Variants in VWA2 observed in about 807,000 individuals in gnomAD.
VWA2 encodes the protein von Willebrand factor A domain containing 2.
A neutral mutation model predicts 70.4 loss-of-function variants in VWA2; 73 were observed. That is an observed-to-expected ratio of 1.04 (90% CI 0.86 to 1.26). The LOEUF (loss-of-function observed/expected upper bound fraction) is 1.26, where lower values mean the gene tolerates loss of function less well. Ranked by LOEUF, VWA2 falls within the 50% of genes most tolerant of loss-of-function variation. The pLI is 0.00. For missense variants in VWA2, 1,011 were observed against 998.5 expected, an observed-to-expected ratio of 1.01 and a Z score of -0.17; for synonymous variants, 407 against 423.3, an observed-to-expected ratio of 0.96 and a Z score of 0.47.
In VWA2 at chr10:114,286,242, T is replaced by G. The variant is rs781626341; in HGVS notation, c.1301T>G (p.Phe434Cys). The change falls in exon 11 of 14, where the codon TTC becomes TGC. Residue 434 changes from phenylalanine (F) to cysteine (C), a missense_variant. Physicochemically the swap from Phe to Cys is radical, Grantham distance 205. Coordinates refer to ENST00000392982, the MANE Select transcript of VWA2 (RefSeq NM_001272046.2). The part of the protein sequence containing the change: ...SALRQAAERG[F>C]GSATRTGQDR... The stretch of plus-strand genomic sequence containing the variant: ...TTGCGGCAGGCGGCAGAGCGTGGCT[T>G]CGGGAGCGCCACCAGGACAGGCCAG... The G allele has an allele frequency of 1.6e-5, 26 of 1,612,992 alleles. No individual in the cohort carries two copies. In the African/African-American group the frequency reaches 2.5e-4, roughly 16 times the overall value.
chr10:114,254,885 G>A, intron 3 of VWA2, 30 bp from the exon 4 acceptor site: 1 of 1,603,074 alleles, frequency 6.2e-7, no homozygotes, highest in East Asian at 2.2e-5. Context: ...CTTGCTCCTG[G>A]TTGTCATCTG....
intron 4 of VWA2, among the ~76,000 whole-genome samples, chr10:114,258,154 A>G (rs1056881919): frequency 1.3e-5 from 2 of 152,154 alleles, no homozygotes; most frequent in Non-Finnish European, 2.9e-5. Flanking sequence ...GCAATTTAAG[A>G]TGGTTTATTC....
rs751817233 is a variant in VWA2, at chr10:114,278,692, G to T, written c.701-27G>T. Reference sequence around the variant, plus strand: ...GGAGGTGGAACCCTGTCTCCTCCGTGGGTGTGGGTGTGTGTTGTGGACACA... The same window carrying T: ...GGAGGTGGAACCCTGTCTCCTCCGTTGGTGTGGGTGTGTGTTGTGGACACA... On this transcript the variant is annotated intron_variant, in intron 7 of 13. Transcript: ENST00000392982. 1.9e-6 allele frequency: 3 copies of T among 1,611,800 alleles called. No homozygotes were observed. The Admixed American group carries it at 5.0e-5, about 27-fold the overall frequency.
Position 114,286,249 on chromosome 10 carries a change from C to A in VWA2, c.1308C>A (p.Ser436Arg). 6.2e-7 allele frequency: 1 copy of A among 1,612,700 alleles called. No individual in the cohort carries two copies. Among genetic ancestry groups the A allele is most frequent in the Non-Finnish European group, 8.5e-7 (1 of 1,179,456 alleles). The change falls in exon 11 of 14, where the codon AGC (serine) becomes AGA (arginine). Residue 436 changes from serine (S) to arginine (R), a missense_variant. Coordinates refer to ENST00000392982, the MANE Select transcript of VWA2 (RefSeq NM_001272046.2). The stretch of plus-strand genomic sequence containing the variant: ...AGGCGGCAGAGCGTGGCTTCGGGAG[C>A]GCCACCAGGACAGGCCAGGACCGGC... Reference protein sequence around the residue: ...LRQAAERGFGSATRTGQDRPR... With the variant: ...LRQAAERGFGRATRTGQDRPR...
chr10:114,292,449 G>A lies in VWA2; in HGVS notation c.*1212G>A, dbSNP rs952620580. Among the ~76,000 whole-genome samples, 2 of 151,634 alleles carry A rather than the reference G, an allele frequency of 1.3e-5. No homozygotes were observed. The highest frequency in any genetic ancestry group is 2.4e-5 in the African/African-American group (1 of 41,214). ...AAAGCATTGATCTTACGCTGTCTAG[G>A]TTTTAATTTTGTTTTGCTTTGCTTT... is the stretch of plus-strand genomic sequence containing the variant. On this transcript the variant is annotated 3_prime_UTR_variant, in exon 14 of 14. Transcript: ENST00000392982.
At position 114,278,068 on chromosome 10, in the gene VWA2, G is replaced by A. The variant is rs201371519; in HGVS notation, c.700+21G>A. On this transcript the variant is annotated intron_variant, in intron 7 of 13. Coordinates refer to ENST00000392982, the MANE Select transcript of VWA2 (RefSeq NM_001272046.2). ...GCCAGGTAAGATCTTCCAGCCTGGA[G>A]GGAGTGGAAGTGCCATGTGGGGTCG... 1.9e-4 allele frequency: 298 copies of A among 1,600,270 alleles called. No homozygotes were observed. In the African/African-American group the frequency reaches 3.5e-3, roughly 19 times the overall value.
At chr10:114,278,098 G>A in intron 7 of VWA2, 51 bp downstream of exon 7, 1 of 1,580,242 alleles carries the variant, frequency 6.3e-7, no homozygotes. Context: ...GGGTCGGGGA[G>A]GGCTCCCTGA....
At chr10:114,262,343 T>C (rs2781810) in intron 5 of VWA2, among the ~76,000 whole-genome samples, 69,056 of 150,060 alleles carry the variant, frequency 0.46, 17,312 homozygotes, top group African/African-American at 0.67. Context: ...GAATGTGATA[T>C]GTAAATATAT....
chr10:114,292,801 G>A lies in VWA2; in HGVS notation c.*1564G>A, dbSNP rs1432036929. Reference sequence around the variant, plus strand: ...GCTCACTGCAACCTTTGCCTCCCAGGTTGAAGTGATTCTCATGCCTCAGCC... The same window carrying A: ...GCTCACTGCAACCTTTGCCTCCCAGATTGAAGTGATTCTCATGCCTCAGCC... On this transcript the variant is annotated 3_prime_UTR_variant, in exon 14 of 14. Transcript: ENST00000392982. 6.6e-6 allele frequency among the ~76,000 whole-genome samples: 1 copy of A among 152,028 alleles called. No homozygotes were observed. Among genetic ancestry groups the A allele is most frequent in the African/African-American group, 2.4e-5 (1 of 41,376 alleles).
At chr10:114,284,656 C>T (rs976287444) in intron 9 of VWA2, among the ~76,000 whole-genome samples, 1 of 152,220 alleles carries the variant, frequency 6.6e-6, no homozygotes, top group African/African-American at 2.4e-5. Context: ...TGCTACAGAG[C>T]ATCCTTTACC....
intron 11 of VWA2, among the ~76,000 whole-genome samples, chr10:114,288,037 C>T (rs1324980268): frequency 2.6e-5 from 4 of 152,178 alleles, no homozygotes; most frequent in Non-Finnish European, 4.4e-5. Context: ...CCTCTAACTC[C>T]ATACTTAGAA....
In VWA2 at chr10:114,289,068, GAC is replaced by G. The variant is rs765575743; in HGVS notation, c.1705_1706del (p.Gln569GlyfsTer30). The G allele has an allele frequency of 6.2e-6, 10 of 1,614,206 alleles. No individual in the cohort carries two copies. The Admixed American group carries it at 1.7e-4, about 27-fold the overall frequency. ...ALQFEVNPDV[T>X]QVGLVVYGSQ... ...TCCAGTTTGAGGTGAACCCTGACGT[GAC>G]ACAGGTCGGCCTGGTGGTGTATGGC... On this transcript the variant is annotated frameshift_variant, in exon 12 of 14. Transcript: ENST00000392982. LOFTEE classifies it high-confidence loss of function.
chr10:114,251,858 C>T (rs1344762293), intron 2 of VWA2, among the ~76,000 whole-genome samples: 2 of 146,336 alleles, frequency 1.4e-5, no homozygotes, highest in African/African-American at 5.1e-5. Context: ...CAGTCTCCCT[C>T]TCGCCCAGGC....
chr10:114,285,942 T>A lies in VWA2; in HGVS notation c.1001T>A (p.Leu334Gln). Residue 334 changes from leucine (L) to glutamine (Q), a missense_variant, in exon 11 of 14, where the codon CTG (leucine) becomes CAG (glutamine). Transcript: ENST00000392982. ...GGTGTTGCTGTGATCCCCGCAGCCC[T>A]GAAGCTGAGCCTGGAATGCAGGGTC... Reference protein sequence around the residue: ...LAFGGEANCALKLSLECRVDL... With the variant: ...LAFGGEANCAQKLSLECRVDL... 1 of 1,591,040 alleles carries A rather than the reference T, an allele frequency of 6.3e-7. No individual in the cohort carries two copies. Among genetic ancestry groups the A allele is most frequent in the East Asian group, 2.2e-5 (1 of 44,516 alleles).
chr10:114,270,247 C>G (rs974364246), intron 5 of VWA2, among the ~76,000 whole-genome samples: 2 of 152,172 alleles, frequency 1.3e-5, no homozygotes, highest in African/African-American at 4.8e-5. Flanking sequence ...TGTTTAAGAA[C>G]TTGGGCTTTG....
At chr10:114,248,006 C>G (rs1176251260) in intron 1 of VWA2, among the ~76,000 whole-genome samples, 1 of 151,600 alleles carries the variant, frequency 6.6e-6, no homozygotes, top group Non-Finnish European at 1.5e-5. Context: ...ACTCGGGAGG[C>G]TGAGGCACAA....
intron 1 of VWA2, among the ~76,000 whole-genome samples, chr10:114,240,333 G>C (rs2036953646): frequency 6.6e-6 from 1 of 152,208 alleles, no homozygotes; most frequent in Non-Finnish European, 1.5e-5. Flanking sequence ...CGGTGAATGG[G>C]AGAGTCTCAG....
At chr10:114,247,282 G>A (rs2037092795) in intron 1 of VWA2, among the ~76,000 whole-genome samples, 1 of 152,136 alleles carries the variant, frequency 6.6e-6, no homozygotes. Flanking sequence ...ACCCCGGTAG[G>A]CCTGGTTGGG....
chr10:114,292,216 A>G lies in VWA2; in HGVS notation c.*979A>G, dbSNP rs1359460965. Reference sequence around the variant, plus strand: ...GGCTTGAACCTGGGAGGCGGAAGTTACAGTGAGCCGAGATCTCACCACTGC... The same window carrying G: ...GGCTTGAACCTGGGAGGCGGAAGTTGCAGTGAGCCGAGATCTCACCACTGC... On this transcript the variant is annotated 3_prime_UTR_variant, in exon 14 of 14. Transcript: ENST00000392982. Among the ~76,000 whole-genome samples the G allele has an allele frequency of 6.6e-6, 1 of 150,532 alleles. No individual in the cohort carries two copies. Among genetic ancestry groups the G allele is most frequent in the Admixed American group, 6.6e-5 (1 of 15,126 alleles).
Sources: gnomAD v4.1 joint callset for allele counts (sites outside exome capture counted in the v4.1 genomes callset) on GRCh38, gnomAD v4.1.1 for gene constraint, MANE v1.5 for transcripts, NCBI Gene and HGNC (gene_info 2026-07-23, HGNC 2026-07-21) for gene names.